Variants in ARHGAP24 observed in about 807,000 individuals in gnomAD.
ARHGAP24 encodes the protein Rho GTPase activating protein 24, also known as rho GTPase-activating protein 24.
Under a neutral mutation model 76.4 loss-of-function variants are expected in ARHGAP24, and 50 were observed. The ratio of observed to expected loss-of-function variants is 0.65; its 90% CI spans 0.52 to 0.83. The LOEUF (loss-of-function observed/expected upper bound fraction) is 0.83, where lower values mean the gene tolerates loss of function less well. Among genes scored for constraint, ARHGAP24 ranks in the 40% least tolerant of loss-of-function variants. The pLI, the probability that ARHGAP24 is intolerant of heterozygous loss-of-function variation, is 0.00. For missense variants in ARHGAP24, 930 were observed against 914.2 expected (o/e 1.02, Z -0.22); for synonymous variants, 345 against 323.3 (o/e 1.07, Z -0.72).
chr4:85,669,698 A>C (rs1722760941), intron 2 of ARHGAP24, among the ~76,000 whole-genome samples: 1 of 127,898 alleles, frequency 7.8e-6, no homozygotes, highest in African/African-American at 2.7e-5. Context: ...TATATGTGAT[A>C]TATATAGCTA....
chr4:85,693,328 G>C (rs1723741417), intron 2 of ARHGAP24, among the ~76,000 whole-genome samples: 1 of 152,094 alleles, frequency 6.6e-6, no homozygotes, highest in South Asian at 2.1e-4. Flanking sequence ...GGCTCACCTG[G>C]GCAGAGGCTG....
At chr4:85,697,405 G>A (rs1024047874) in intron 2 of ARHGAP24, among the ~76,000 whole-genome samples, 1 of 152,118 alleles carries the variant, frequency 6.6e-6, no homozygotes, top group African/African-American at 2.4e-5. Context: ...TGGTGTATAT[G>A]TGCCACATTT....
At chr4:85,650,373 A>T (rs1217553563) in intron 2 of ARHGAP24, among the ~76,000 whole-genome samples, 5 of 149,678 alleles carry the variant, frequency 3.3e-5, no homozygotes, top group Non-Finnish European at 7.4e-5. Context: ...TGTGTATGTA[A>T]CATTGTTGTA....
At chr4:85,903,010 T>C (rs542617103) in intron 3 of ARHGAP24, among the ~76,000 whole-genome samples, 1 of 152,384 alleles carries the variant, frequency 6.6e-6, no homozygotes, top group East Asian at 1.9e-4. Flanking sequence ...TATATCCTCA[T>C]TTTCTTTTTG....
chr4:85,564,821 A>G (rs1413891350), intron 1 of ARHGAP24, among the ~76,000 whole-genome samples: 2 of 147,620 alleles, frequency 1.4e-5, no homozygotes, highest in Admixed American at 1.3e-4. Context: ...GCTTGCCTAC[A>G]GCTCACCTCC....
chr4:85,766,053 A>G (rs999113779), intron 3 of ARHGAP24, among the ~76,000 whole-genome samples: 2 of 152,136 alleles, frequency 1.3e-5, no homozygotes, highest in African/African-American at 4.8e-5. Context: ...GATTTCTTGT[A>G]CTTCACAATC....
intron 3 of ARHGAP24, among the ~76,000 whole-genome samples, chr4:85,797,645 C>T (rs1457256725): frequency 2.0e-5 from 3 of 152,166 alleles, no homozygotes; most frequent in Non-Finnish European, 4.4e-5. Context: ...GGCTGGCTGC[C>T]TCCATATTAT....
chr4:85,691,296 A>G (rs540363328), intron 2 of ARHGAP24, among the ~76,000 whole-genome samples: 34 of 152,240 alleles, frequency 2.2e-4, no homozygotes, highest in African/African-American at 8.2e-4. Context: ...TATGTTCCAT[A>G]TGCAGATGAG....
intron 2 of ARHGAP24, among the ~76,000 whole-genome samples, chr4:85,588,752 A>C (rs1727965829): frequency 1.3e-5 from 2 of 152,184 alleles, no homozygotes. Flanking sequence ...AAATAAACAA[A>C]ATTTTTATTT....
chr4:85,600,135 G>C (rs1719986032), intron 2 of ARHGAP24, among the ~76,000 whole-genome samples: 1 of 152,120 alleles, frequency 6.6e-6, no homozygotes, highest in Non-Finnish European at 1.5e-5. Context: ...TGAGAGGAGG[G>C]AACAACAGTA....
intron 3 of ARHGAP24, among the ~76,000 whole-genome samples, chr4:85,755,599 T>TGTTCTATG (rs1164588601): frequency 6.6e-6 from 1 of 151,648 alleles, no homozygotes; most frequent in Non-Finnish European, 1.5e-5. Context: ...GAGGGAATCT[T>TGTTCTATG]GTTCTATGGG....
At chr4:85,786,286 A>G (rs1727839295) in intron 3 of ARHGAP24, among the ~76,000 whole-genome samples, 1 of 152,238 alleles carries the variant, frequency 6.6e-6, no homozygotes, top group South Asian at 2.1e-4. Context: ...GCAAAGTCTC[A>G]AACCTGCAGC....
intron 2 of ARHGAP24, among the ~76,000 whole-genome samples, chr4:85,638,558 A>G (rs1198492549): frequency 1.3e-5 from 2 of 152,252 alleles, no homozygotes; most frequent in African/African-American, 4.8e-5. Context: ...ACAGGACTGT[A>G]TATTCTTGCC....
intron 8 of ARHGAP24, among the ~76,000 whole-genome samples, chr4:85,984,292 C>CT (rs1202778353): frequency 5.3e-5 from 8 of 152,232 alleles, no homozygotes; most frequent in African/African-American, 1.7e-4. Flanking sequence ...ACACCATAGA[C>CT]TGGGTAGCTT....
chr4:85,625,262 G>A (rs1211762159), intron 2 of ARHGAP24, among the ~76,000 whole-genome samples: 1 of 151,972 alleles, frequency 6.6e-6, no homozygotes, highest in Non-Finnish European at 1.5e-5. Context: ...AGAGATTCTG[G>A]TACGTTGTGT....
At chr4:85,523,589 C>T (rs1274053193) in intron 1 of ARHGAP24, among the ~76,000 whole-genome samples, 1 of 152,124 alleles carries the variant, frequency 6.6e-6, no homozygotes, top group African/African-American at 2.4e-5. Context: ...TTTAGTTATT[C>T]CTTTCCTTTC....
At chr4:85,637,411 T>C (rs1034873820) in intron 2 of ARHGAP24, among the ~76,000 whole-genome samples, 5 of 152,128 alleles carry the variant, frequency 3.3e-5, no homozygotes, top group Non-Finnish European at 7.4e-5. Flanking sequence ...TTAATTGATA[T>C]ATCTTTAGGT....
At chr4:85,719,924 T>G (rs1724864572) in intron 2 of ARHGAP24, among the ~76,000 whole-genome samples, 1 of 152,108 alleles carries the variant, frequency 6.6e-6, no homozygotes, top group Non-Finnish European at 1.5e-5. Context: ...AATGTTGTCC[T>G]AAGGTAGATG....
At chr4:85,769,683 G>T (rs921876600) in intron 3 of ARHGAP24, among the ~76,000 whole-genome samples, 1 of 150,120 alleles carries the variant, frequency 6.7e-6, no homozygotes, top group Non-Finnish European at 1.5e-5. Flanking sequence ...CTCTGTCACC[G>T]GGCAAGCGAT....
Sources: gnomAD v4.1 joint callset for allele counts (sites outside exome capture counted in the v4.1 genomes callset) on GRCh38, gnomAD v4.1.1 for gene constraint, MANE v1.5 for transcripts, NCBI Gene and HGNC (gene_info 2026-07-23, HGNC 2026-07-21) for gene names.